RIC8B: variants seen among roughly 807,000 people sequenced by gnomAD.
RIC8B encodes the protein chaperone Ric-8B.
RIC8B carries 16 observed loss-of-function variants against 57.5 expected under a neutral mutation model. The ratio of observed to expected loss-of-function variants is 0.28; its 90% CI spans 0.19 to 0.42. The LOEUF (loss-of-function observed/expected upper bound fraction) is 0.42, where lower values mean the gene tolerates loss of function less well. Ranked by LOEUF, RIC8B falls within the 10% of genes least tolerant of loss-of-function variation. RIC8B has a pLI of 1.00. For missense variants in RIC8B, 481 were observed against 677.0 expected (o/e 0.71, Z 3.21); for synonymous variants, 216 against 250.8 (o/e 0.86, Z 1.31).
intron 8 of RIC8B, among the ~76,000 whole-genome samples, chr12:106,868,766 GACACACACACACACACACACACACAC>G (rs56293147): frequency 1.4e-4 from 17 of 123,026 alleles, no homozygotes; most frequent in East Asian, 2.5e-4. Context: ...AGGCACTCTA[GACACACACACACACACACACACACAC>G]ACACACACAC....
At chr12:106,821,571 T>G (rs550110933) in intron 3 of RIC8B, among the ~76,000 whole-genome samples, 23 of 152,228 alleles carry the variant, frequency 1.5e-4, no homozygotes, top group Non-Finnish European at 2.5e-4. Context: ...AGTCAAACAT[T>G]TCTTATATGA....
chr12:106,839,751 C>T (rs1455227879), intron 4 of RIC8B, among the ~76,000 whole-genome samples: 2 of 152,210 alleles, frequency 1.3e-5, no homozygotes, highest in African/African-American at 4.8e-5. Flanking sequence ...TGCAGTGGCT[C>T]ACGCCTGTAA....
chr12:106,827,024 G>A lies in RIC8B; in HGVS notation c.836+1204G>A, dbSNP rs1004569070. ...CAGGAGGTGAAGGTTGCCATGAGCC[G>A]AAATTCCGCCACTGTACTCCAGCCT... On this transcript the variant is annotated intron_variant, in intron 4 of 9. Transcript: ENST00000392837. 3.3e-5 allele frequency among the ~76,000 whole-genome samples: 5 copies of A among 152,118 alleles called. No individual in the cohort carries two copies. The East Asian group carries it at 7.7e-4, about 23-fold the overall frequency.
chr12:106,879,652 G>A lies in RIC8B; in HGVS notation c.1572-6252G>A. 2 of 985,388 alleles carry A rather than the reference G, an allele frequency of 2.0e-6. No individual in the cohort carries two copies. The highest frequency in any genetic ancestry group is 4.7e-5 in the South Asian group (1 of 21,290). The allele number at this position is 985,388 out of a possible 1,614,324, so 61.0% of individuals were successfully genotyped here. A position where few individuals can be genotyped will look rare whatever the true frequency, so the allele number is the denominator to read the frequency against. On this transcript the variant is annotated intron_variant, in intron 9 of 9. Coordinates refer to ENST00000392837, the MANE Select transcript of RIC8B (RefSeq NM_001330145.2). The surrounding 1 kb of genome is among the most constrained non-coding windows in gnomAD (Gnocchi z 4.9). ...TAGCAGTCCCAAGGGTTAGGCTGGG[G>A]CAAAATAGGGTTTCCTTTCTTGGAC...
At chr12:106,873,304 G>C (rs1593384830) in intron 9 of RIC8B, 3 of 445,808 alleles carry the variant, frequency 6.7e-6, no homozygotes, top group East Asian at 3.1e-4. Flanking sequence ...CAGAATTTTT[G>C]CATGACGTGT....
At chr12:106,846,286 C>T (rs73399323) in intron 6 of RIC8B, among the ~76,000 whole-genome samples, 2,064 of 152,266 alleles carry the variant, frequency 0.014, 38 homozygotes, top group African/African-American at 0.047. Flanking sequence ...CTTCTTTCCA[C>T]ATTTCAATAC....
At chr12:106,790,620 T>C (rs771606074) in intron 2 of RIC8B, among the ~76,000 whole-genome samples, 1 of 152,178 alleles carries the variant, frequency 6.6e-6, no homozygotes, top group Non-Finnish European at 1.5e-5. Context: ...AAAATTCACA[T>C]GTTGAGGAAA....
chr12:106,783,921 A>T, intron 1 of RIC8B, 76 bp from the exon 2 acceptor site: 1 of 1,310,414 alleles, frequency 7.6e-7, no homozygotes, highest in Non-Finnish European at 1.1e-6. Flanking sequence ...ACATTATTTT[A>T]GATGCTATTA....
At chr12:106,776,603 C>T (rs1179449897) in intron 1 of RIC8B, among the ~76,000 whole-genome samples, 1 of 152,212 alleles carries the variant, frequency 6.6e-6, no homozygotes, top group African/African-American at 2.4e-5. Flanking sequence ...AGATTTGCTT[C>T]CTCCAATTTA....
intron 8 of RIC8B, among the ~76,000 whole-genome samples, chr12:106,863,870 G>A (rs1384985313): frequency 1.3e-5 from 2 of 152,050 alleles, no homozygotes; most frequent in African/African-American, 2.4e-5. Context: ...GCCTGACATG[G>A]GAAACATTTA....
chr12:106,842,841 C>T, intron 5 of RIC8B, 24 bp downstream of exon 5: 4 of 1,413,844 alleles, frequency 2.8e-6, no homozygotes, highest in South Asian at 1.2e-5. Flanking sequence ...AATGGAAGCC[C>T]TGGGAAGATG....
chr12:106,827,285 A>G (rs1425338122), intron 4 of RIC8B, among the ~76,000 whole-genome samples: 1 of 152,218 alleles, frequency 6.6e-6, no homozygotes, highest in Admixed American at 6.5e-5. Context: ...ATGAATACAA[A>G]TGGCATTTTA....
chr12:106,829,684 TG>T (rs1266849507), intron 4 of RIC8B, among the ~76,000 whole-genome samples: 1 of 152,150 alleles, frequency 6.6e-6, no homozygotes, highest in Non-Finnish European at 1.5e-5. Context: ...TACAATTTGG[TG>T]GTTCTATTTA....
chr12:106,831,271 G>A (rs2046342679), intron 4 of RIC8B, among the ~76,000 whole-genome samples: 1 of 152,176 alleles, frequency 6.6e-6, no homozygotes, highest in South Asian at 2.1e-4. Context: ...GCACACAGAG[G>A]TGTTTTTCAA....
chr12:106,850,992 T>C (rs1830805460), intron 6 of RIC8B, among the ~76,000 whole-genome samples: 1 of 152,144 alleles, frequency 6.6e-6, no homozygotes. Flanking sequence ...GAAGCACTTC[T>C]GGTCCCAAGC....
chr12:106,798,502 G>T (rs1254178115), intron 2 of RIC8B, among the ~76,000 whole-genome samples: 2 of 152,108 alleles, frequency 1.3e-5, no homozygotes, highest in East Asian at 3.9e-4. Context: ...TGTAATAAGG[G>T]ACCCACAGTG....
At chr12:106,858,252 C>T (rs1165551260) in intron 7 of RIC8B, among the ~76,000 whole-genome samples, 2 of 151,990 alleles carry the variant, frequency 1.3e-5, no homozygotes, top group Non-Finnish European at 2.9e-5. Flanking sequence ...ATTCATATCT[C>T]AATTTAGAGT....
At chr12:106,793,165 C>T (rs923977664) in intron 2 of RIC8B, among the ~76,000 whole-genome samples, 5 of 152,124 alleles carry the variant, frequency 3.3e-5, no homozygotes, top group African/African-American at 7.2e-5. Context: ...AACATGGTTC[C>T]ACCCCAGGAA....
chr12:106,777,737 G>A (rs1372749456), intron 1 of RIC8B, among the ~76,000 whole-genome samples: 4 of 152,150 alleles, frequency 2.6e-5, no homozygotes, highest in Admixed American at 2.6e-4. Context: ...AGTCTCAGTT[G>A]CCTTACCTGT....
Sources: gnomAD v4.1 joint callset for allele counts (sites outside exome capture counted in the v4.1 genomes callset) on GRCh38, gnomAD v4.1.1 for gene constraint, Gnocchi (gnomAD v3.1) non-coding constraint, MANE v1.5 for transcripts, NCBI Gene and HGNC (gene_info 2026-07-23, HGNC 2026-07-21) for gene names.